The following TMEM132D variants were observed in gnomAD, a reference collection of about 807,000 sequenced individuals.
The protein encoded by TMEM132D is transmembrane protein 132D.
In TMEM132D, 21 loss-of-function variants were observed where a neutral mutation model predicts 62.3. The observed-to-expected ratio is 0.34, with a 90% CI of 0.24 to 0.49. The LOEUF is 0.49. Ranked by LOEUF, TMEM132D falls within the 20% of genes least tolerant of loss-of-function variation. The pLI is 0.99. For synonymous variants in TMEM132D, 621 were observed against 575.6 expected (o/e 1.08, Z -1.13); for missense variants, 1,346 against 1,402.8 (o/e 0.96, Z 0.65).
chr12:129,258,078 TTTGCTCA>T (rs1220885028), intron 4 of TMEM132D, among the ~76,000 whole-genome samples: 2 of 152,160 alleles, frequency 1.3e-5, no homozygotes, highest in African/African-American at 2.4e-5. Context: ...ACAGGACCCG[TTTGCTCA>T]TAAAACTAGA....
chr12:129,317,051 A>G (rs1868510605), intron 4 of TMEM132D, among the ~76,000 whole-genome samples: 1 of 152,124 alleles, frequency 6.6e-6, no homozygotes, highest in South Asian at 2.1e-4. Context: ...GAGTCTCCTG[A>G]GGGCAGCAGA....
chr12:129,832,157 G>A (rs536822737), intron 1 of TMEM132D, among the ~76,000 whole-genome samples: 1 of 150,376 alleles, frequency 6.6e-6, no homozygotes. Context: ...AAAGAGCTGG[G>A]ATTACAGGTG....
intron 1 of TMEM132D, among the ~76,000 whole-genome samples, chr12:129,893,984 C>T (rs1464751587): frequency 6.6e-6 from 1 of 152,202 alleles, no homozygotes; most frequent in African/African-American, 2.4e-5. Context: ...GGGAAAGAAG[C>T]CTTCTCTGAT....
chr12:129,815,974 C>T (rs571933284), intron 1 of TMEM132D, among the ~76,000 whole-genome samples: 5 of 144,312 alleles, frequency 3.5e-5, no homozygotes, highest in East Asian at 1.9e-4. Context: ...AGATGACTGA[C>T]GGCCTGTGGT....
chr12:129,782,740 C>A (rs185366246), intron 1 of TMEM132D, among the ~76,000 whole-genome samples: 1 of 136,884 alleles, frequency 7.3e-6, no homozygotes, highest in African/African-American at 2.5e-5. Context: ...CAGGTGTATT[C>A]CTGATAAATC....
intron 1 of TMEM132D, among the ~76,000 whole-genome samples, chr12:129,888,073 T>C (rs1874801189): frequency 1.3e-5 from 2 of 152,204 alleles, no homozygotes; most frequent in African/African-American, 4.8e-5. Flanking sequence ...TTCTCAGTAG[T>C]TTTACTGATC....
intron 2 of TMEM132D, among the ~76,000 whole-genome samples, chr12:129,577,858 G>C (rs891074702): frequency 1.3e-5 from 2 of 152,116 alleles, no homozygotes; most frequent in African/African-American, 4.8e-5. Flanking sequence ...CAATTTGACT[G>C]AGCTAAGGGA....
At chr12:129,253,205 T>C (rs991679220) in intron 4 of TMEM132D, among the ~76,000 whole-genome samples, 1 of 144,336 alleles carries the variant, frequency 6.9e-6, no homozygotes, top group Non-Finnish European at 1.5e-5. Context: ...AATAATAAAA[T>C]AAAATAAATA....
chr12:129,152,997 G>C (rs377498189), intron 5 of TMEM132D, among the ~76,000 whole-genome samples: 2 of 152,198 alleles, frequency 1.3e-5, no homozygotes, highest in African/African-American at 2.4e-5. Flanking sequence ...CAACTCTTCC[G>C]AGCTCTGGCA....
intron 5 of TMEM132D, among the ~76,000 whole-genome samples, chr12:129,157,926 C>T (rs1347634736): frequency 1.3e-5 from 2 of 151,992 alleles, no homozygotes; most frequent in South Asian, 2.1e-4. Context: ...GCATGGCATG[C>T]TGGTGGAGGT....
intron 4 of TMEM132D, among the ~76,000 whole-genome samples, chr12:129,247,244 G>T (rs1469427107): frequency 6.6e-6 from 1 of 152,142 alleles, no homozygotes; most frequent in Non-Finnish European, 1.5e-5. Context: ...TTGGGGTTGG[G>T]ATTTATAGAG....
chr12:129,571,020 G>A (rs1340801360), intron 2 of TMEM132D, among the ~76,000 whole-genome samples: 2 of 152,204 alleles, frequency 1.3e-5, no homozygotes, highest in East Asian at 1.9e-4. Flanking sequence ...AGGGGCTGAT[G>A]GGTCAGAAAT....
intron 3 of TMEM132D, among the ~76,000 whole-genome samples, chr12:129,349,501 G>C (rs572421366): frequency 4.6e-5 from 7 of 152,334 alleles, no homozygotes; most frequent in African/African-American, 1.4e-4. Flanking sequence ...TTGGGGAAGA[G>C]AGTCCTTGTT....
chr12:129,256,820 C>T (rs1236186575), intron 4 of TMEM132D, among the ~76,000 whole-genome samples: 1 of 152,226 alleles, frequency 6.6e-6, no homozygotes, highest in Non-Finnish European at 1.5e-5. Context: ...TTTGACCTCC[C>T]AAAGGGCTGG....
intron 4 of TMEM132D, among the ~76,000 whole-genome samples, chr12:129,301,822 C>G (rs1334766245): frequency 1.3e-5 from 2 of 152,150 alleles, no homozygotes; most frequent in Non-Finnish European, 2.9e-5. Flanking sequence ...AGAACAGACA[C>G]AGGATTCACC....
chr12:129,156,448 C>T (rs934123529), intron 5 of TMEM132D, among the ~76,000 whole-genome samples: 10 of 152,134 alleles, frequency 6.6e-5, no homozygotes, highest in African/African-American at 1.7e-4. Context: ...ATAACTAACC[C>T]ATTCCCATGA....
At chr12:129,491,423 G>A (rs1874792532) in intron 3 of TMEM132D, among the ~76,000 whole-genome samples, 1 of 152,204 alleles carries the variant, frequency 6.6e-6, no homozygotes, top group African/African-American at 2.4e-5. Flanking sequence ...TTGCGGTAGA[G>A]GTGGCCCCAG....
chr12:129,270,620 A>T (rs1880828177), intron 4 of TMEM132D, among the ~76,000 whole-genome samples: 1 of 152,204 alleles, frequency 6.6e-6, no homozygotes, highest in Non-Finnish European at 1.5e-5. Context: ...GGAGTGCATT[A>T]CATCCTTACA....
chr12:129,145,095 T>C (rs1366702648), intron 5 of TMEM132D, among the ~76,000 whole-genome samples: 1 of 152,226 alleles, frequency 6.6e-6, no homozygotes, highest in East Asian at 1.9e-4. Context: ...TATGTATTCA[T>C]AGACTAAGAC....
Sources: gnomAD v4.1 joint callset for allele counts (sites outside exome capture counted in the v4.1 genomes callset) on GRCh38, gnomAD v4.1.1 for gene constraint, MANE v1.5 for transcripts, NCBI Gene and HGNC (gene_info 2026-07-23, HGNC 2026-07-21) for gene names.